Variants in BRWD1 observed in about 807,000 individuals in gnomAD.
BRWD1 encodes bromodomain and WD repeat-containing protein 1.
A neutral mutation model predicts 251.2 loss-of-function variants in BRWD1; 82 were observed. The observed-to-expected ratio is 0.33, with a 90% CI of 0.27 to 0.39. The LOEUF (loss-of-function observed/expected upper bound fraction) is 0.39, where lower values mean the gene tolerates loss of function less well. Among genes scored for constraint, BRWD1 ranks in the 10% least tolerant of loss-of-function variants. The pLI is 1.00. For synonymous variants in BRWD1, 918 were observed against 902.8 expected (o/e 1.02, Z -0.30); for missense variants, 2,233 against 2,711.6 (o/e 0.82, Z 3.92).
Position 39,199,136 on chromosome 21 carries a change from A to G in BRWD1, c.5280T>C (p.Ser1760=), listed in dbSNP as rs2031975658. The stretch of plus-strand genomic sequence containing the variant: ...ATGCATGATCTGAATCATGACTTTT[A>G]GAGTCTTCCTCAGAAGACTCTATTT... The part of the protein sequence containing the change: ...FLKIESSEED[S]KSHDSDHACN... The change falls in exon 40 of 41, where the codon TCT becomes TCC. Residue 1760 remains serine (S), a synonymous_variant. Transcript: ENST00000342449. The G allele has an allele frequency of 6.2e-7, 1 of 1,614,016 alleles. No individual in the cohort carries two copies. Among genetic ancestry groups the G allele is most frequent in the African/African-American group, 1.3e-5 (1 of 74,992 alleles).
At chr21:39,284,506 T>C (rs1304777745) in intron 8 of BRWD1, among the ~76,000 whole-genome samples, 1 of 151,788 alleles carries the variant, frequency 6.6e-6, no homozygotes, top group African/African-American at 2.4e-5. Flanking sequence ...CTCCATACTG[T>C]TTCCCATAAT....
Position 39,192,148 on chromosome 21 carries a change from C to A in BRWD1, c.*4111G>T. On this transcript the variant is annotated 3_prime_UTR_variant, in exon 41 of 41. Coordinates refer to ENST00000342449, the MANE Select transcript of BRWD1 (RefSeq NM_033656.4). ...GGCAGATTATGAAAAAGGTAAAAAT[C>A]TCTTACTTTTGAGAATCCCCATGTA... 1 of 985,120 alleles carries A rather than the reference C, an allele frequency of 1.0e-6. No homozygotes were observed. 61.0% of individuals were successfully genotyped at this position (985,120 alleles called of 1,614,324 possible).
chr21:39,216,368 T>A lies in BRWD1; in HGVS notation c.3660-1006A>T, dbSNP rs191671786. On this transcript the variant is annotated intron_variant, in intron 31 of 40. Coordinates refer to ENST00000342449, the MANE Select transcript of BRWD1 (RefSeq NM_033656.4). ...AATTTAAACATACAAAGAAAAAAAA[T>A]AAAGTTATCTAACAACTTAACAAAA... Among the ~76,000 whole-genome samples the A allele has an allele frequency of 4.8e-3, 699 of 146,562 alleles. 9 individuals are homozygous for A. The highest frequency in any genetic ancestry group is 0.019 in the African/African-American group (681 of 36,224).
Position 39,298,588 on chromosome 21 carries a change from T to C in BRWD1, c.199-6A>G. 1 of 1,576,568 alleles carries C rather than the reference T, an allele frequency of 6.3e-7. No homozygotes were observed. Among genetic ancestry groups the C allele is most frequent in the South Asian group, 1.2e-5 (1 of 83,970 alleles). ...ACATGCTTATTGGACAAGACCTAGT[T>C]GGAGAGCAAGTTTTAATGACAACAG... On this transcript the variant is annotated splice_region_variant and splice_polypyrimidine_tract_variant and intron_variant, in intron 4 of 40. Coordinates refer to ENST00000342449, the MANE Select transcript of BRWD1 (RefSeq NM_033656.4).
Position 39,313,438 on chromosome 21 carries a change from C to G in BRWD1, c.49+5G>C. The G allele has an allele frequency of 2.2e-6, 3 of 1,389,696 alleles. No individual in the cohort carries two copies. Among genetic ancestry groups the G allele is most frequent in the Non-Finnish European group, 2.8e-6 (3 of 1,075,514 alleles). The allele number at this position is 1,389,696 out of a possible 1,614,324, so 86.1% of individuals were successfully genotyped here. The stretch of plus-strand genomic sequence containing the variant: ...GGGCGGGGGTGGCACGGCCTCGCGT[C>G]TTACCCGACTCGATGAGAGGCACCG... On this transcript the variant is annotated splice_donor_5th_base_variant and intron_variant, in intron 1 of 40. Coordinates refer to ENST00000342449, the MANE Select transcript of BRWD1 (RefSeq NM_033656.4).
At chr21:39,306,696 G>A (rs954238847) in intron 4 of BRWD1, among the ~76,000 whole-genome samples, 1 of 152,076 alleles carries the variant, frequency 6.6e-6, no homozygotes, top group South Asian at 2.1e-4. Context: ...TTTGTGTGAG[G>A]AACAGACTTA....
At position 39,238,491 on chromosome 21, in the gene BRWD1, C is replaced by T. The variant is rs376245563; in HGVS notation, c.2564G>A (p.Ser855Asn). The change falls in exon 22 of 41, where the codon AGC becomes AAC. Residue 855 changes from serine to asparagine, a missense_variant. By Grantham distance (46) the Ser-to-Asn change is conservative (BLOSUM62 1). Coordinates refer to ENST00000342449, the MANE Select transcript of BRWD1 (RefSeq NM_033656.4). ...WRSDRKSESY[S>N]ESSSDSSSRY... ...TAAAAACAGATACCTTGAACTTTCG[C>T]TGTAACTCTCACTTTTTCTGTCACT... The T allele has an allele frequency of 2.5e-6, 4 of 1,612,478 alleles. No individual in the cohort carries two copies. In the African/African-American group the frequency reaches 5.3e-5, roughly 22 times the overall value.
At chr21:39,214,327 G>A (rs186197565) in intron 32 of BRWD1, among the ~76,000 whole-genome samples, 2 of 152,150 alleles carry the variant, frequency 1.3e-5, no homozygotes, top group African/African-American at 4.8e-5. Context: ...ATATTCACAC[G>A]TATACAAACA....
intron 4 of BRWD1, 79 bp downstream of exon 4, chr21:39,312,762 G>C: frequency 8.1e-7 from 1 of 1,237,908 alleles, no homozygotes; most frequent in Non-Finnish European, 1.1e-6. Context: ...CCCACGGGCC[G>C]GGGTCCCCGC....
chr21:39,297,385 T>C lies in BRWD1; in HGVS notation c.350-1022A>G, dbSNP rs552358993. The C allele has an allele frequency of 5.1e-6, 5 of 985,386 alleles. No homozygotes were observed. In the South Asian group the frequency reaches 2.3e-4, roughly 46 times the overall value. 61.0% of individuals were successfully genotyped at this position (985,386 alleles called of 1,614,324 possible). A position where few individuals can be genotyped will look rare whatever the true frequency, so the allele number is the denominator to read the frequency against. On this transcript the variant is annotated intron_variant, in intron 5 of 40. Transcript: ENST00000342449. ...ACAAAACAAACAGAGAATACGCCCC[T>C]ACCCTAGGGCAGCTTGCTGAAGACT...
chr21:39,272,441 G>A (rs867413800), intron 13 of BRWD1, among the ~76,000 whole-genome samples: 9 of 151,044 alleles, frequency 6.0e-5, no homozygotes, highest in Non-Finnish European at 1.0e-4. Context: ...GCAGGAGAAC[G>A]GCATGAACCC....
chr21:39,314,234 G>C (rs1422831779), upstream of BRWD1: 2 of 455,504 alleles, frequency 4.4e-6, no homozygotes, highest in Non-Finnish European at 4.4e-6. Flanking sequence ...TGGGGCGGGG[G>C]CCTCGTATGC....
Position 39,191,085 on chromosome 21 carries a change from T to G in BRWD1, c.*5174A>C, listed in dbSNP as rs1463491094. On this transcript the variant is annotated 3_prime_UTR_variant, in exon 41 of 41. Coordinates refer to ENST00000342449, the MANE Select transcript of BRWD1 (RefSeq NM_033656.4). ...ATACTTAACTGCTTAATTTGCTTTT[T>G]AGAAGCAATACCTTAAGAGCATTTC... 1 of 985,216 alleles carries G rather than the reference T, an allele frequency of 1.0e-6. No individual in the cohort carries two copies. Among genetic ancestry groups the G allele is most frequent in the East Asian group, 1.1e-4 (1 of 8,832 alleles). 61.0% of individuals were successfully genotyped at this position (985,216 alleles called of 1,614,324 possible).
At chr21:39,288,908 G>A (rs1260169240) in intron 8 of BRWD1, among the ~76,000 whole-genome samples, 1 of 152,130 alleles carries the variant, frequency 6.6e-6, no homozygotes, top group Non-Finnish European at 1.5e-5. Context: ...CTATATATAA[G>A]TCGACCCATG....
intron 40 of BRWD1, 27 bp downstream of exon 40, chr21:39,198,736 T>C: frequency 6.5e-7 from 1 of 1,528,106 alleles, no homozygotes; most frequent in Non-Finnish European, 8.8e-7. Flanking sequence ...AGTCAATCAG[T>C]GAACAAAGAT....
At chr21:39,251,735 T>C (rs984824688) in intron 19 of BRWD1, among the ~76,000 whole-genome samples, 1 of 152,172 alleles carries the variant, frequency 6.6e-6, no homozygotes, top group Non-Finnish European at 1.5e-5. Flanking sequence ...TTTCACTGCT[T>C]TATGTGTGTT....
At chr21:39,265,716 T>A (rs944280626) in intron 15 of BRWD1, among the ~76,000 whole-genome samples, 4 of 152,212 alleles carry the variant, frequency 2.6e-5, no homozygotes, top group African/African-American at 9.6e-5. Context: ...ATTCATGAAC[T>A]AAAACGAACA....
At chr21:39,284,473 G>C (rs1463726104) in intron 8 of BRWD1, among the ~76,000 whole-genome samples, 1 of 152,206 alleles carries the variant, frequency 6.6e-6, no homozygotes, top group Non-Finnish European at 1.5e-5. Flanking sequence ...GAGAGAACCT[G>C]CCTCTGGGGG....
intron 2 of BRWD1, 48 bp downstream of exon 2, chr21:39,313,193 G>C (rs781467310): frequency 3.3e-6 from 5 of 1,514,026 alleles, no homozygotes; most frequent in Non-Finnish European, 3.5e-6. Flanking sequence ...CCGGCGGCGG[G>C]GACACTGGGG....
Sources: gnomAD v4.1 joint callset for allele counts (sites outside exome capture counted in the v4.1 genomes callset) on GRCh38, gnomAD v4.1.1 for gene constraint, MANE v1.5 for transcripts, NCBI Gene and HGNC (gene_info 2026-07-23, HGNC 2026-07-21) for gene names.